The following RELB variants were observed in gnomAD, a reference collection of about 807,000 sequenced individuals.
The protein encoded by RELB is transcription factor RelB.
A neutral mutation model predicts 55.4 loss-of-function variants in RELB; 14 were observed. That is an observed-to-expected ratio of 0.25 (90% CI 0.17 to 0.40). RELB has a LOEUF of 0.40. Ranked by LOEUF, RELB falls within the 10% of genes least tolerant of loss-of-function variation. The probability of loss-of-function intolerance (pLI) is 1.00; values close to 1 mark genes in which losing one functional copy is unlikely to be tolerated. For synonymous variants in RELB, 409 were observed against 371.3 expected, an observed-to-expected ratio of 1.10 and a Z score of -1.17; for missense variants, 669 against 830.7, an observed-to-expected ratio of 0.81 and a Z score of 2.39.
rs1189368473 is a variant in RELB, at chr19:45,028,973, C to G, written c.972C>G (p.Leu324=). The G allele has an allele frequency of 3.8e-6, 6 of 1,588,046 alleles. No individual in the cohort carries two copies. The highest frequency in any genetic ancestry group is 5.1e-6 in the Non-Finnish European group (6 of 1,167,862). ...PCTGGEELYL[L]CDKVQKEDIS... ...CCGGTGGCGAGGAGCTCTACTTGCT[C>G]TGCGACAAGGTGCAGAAAGGTGAGG... Residue 324 remains leucine, a synonymous_variant, in exon 8 of 12, where the codon CTC becomes CTG. Transcript: ENST00000221452.
chr19:45,005,019 A>C (rs1255843167), intron 2 of RELB, among the ~76,000 whole-genome samples: 1 of 151,566 alleles, frequency 6.6e-6, no homozygotes, highest in East Asian at 1.9e-4. Flanking sequence ...AATACAAAAA[A>C]AATTAGCCAG....
At chr19:45,017,347 G>A (rs1467547767) in intron 4 of RELB, among the ~76,000 whole-genome samples, 2 of 151,518 alleles carry the variant, frequency 1.3e-5, no homozygotes, top group Admixed American at 6.6e-5. Context: ...GAAAAATCTG[G>A]GGAGGCCGAG....
At chr19:45,027,128 G>A (rs1971567673) in intron 7 of RELB, among the ~76,000 whole-genome samples, 2 of 151,672 alleles carry the variant, frequency 1.3e-5, no homozygotes, top group Admixed American at 6.6e-5. Flanking sequence ...AGCTACTCAG[G>A]AGGCTGAGGC....
rs767575028 is a variant in RELB at position 45,034,280 on chromosome 19, T to A, written c.1244T>A (p.Met415Lys). 1.9e-6 allele frequency: 3 copies of A among 1,613,896 alleles called. No homozygotes were observed. Among genetic ancestry groups the A allele is most frequent in the Non-Finnish European group, 2.5e-6 (3 of 1,179,898 alleles). ...GTGGACAAGAAGCGGAAACGGGGGA[T>A]GCCCGACGTCCTTGGGGAGCTGAAC... ...YGVDKKRKRG[M>K]PDVLGELNSS... The change falls in exon 10 of 12, where the codon ATG (methionine) becomes AAG (lysine). Residue 415 changes from methionine to lysine, a missense_variant. Met to Lys is a moderately conservative substitution (Grantham distance 95). Coordinates refer to ENST00000221452, the MANE Select transcript of RELB (RefSeq NM_006509.4).
chr19:45,011,917 G>A lies in RELB; in HGVS notation c.164-19G>A, dbSNP rs551688712. Reference sequence around the variant, plus strand: ...TTTTAAAGAATGGGCGTCACCACCCGTTTTTTCTTCTCCCGCAGAGATCAT... The same window carrying A: ...TTTTAAAGAATGGGCGTCACCACCCATTTTTTCTTCTCCCGCAGAGATCAT... On this transcript the variant is annotated intron_variant, in intron 3 of 11. Transcript: ENST00000221452. 221 of 1,432,294 alleles carry A rather than the reference G, an allele frequency of 1.5e-4. No individual in the cohort carries two copies. The highest frequency in any genetic ancestry group is 7.7e-4 in the Admixed American group (27 of 34,890). 88.7% of individuals were successfully genotyped at this position (1,432,294 alleles called of 1,614,324 possible).
intron 2 of RELB, among the ~76,000 whole-genome samples, chr19:45,007,953 G>A (rs1490770677): frequency 7.1e-6 from 1 of 140,808 alleles, no homozygotes; most frequent in Non-Finnish European, 1.5e-5. Flanking sequence ...TCAGGAGATC[G>A]AGACTAGCCT....
At chr19:45,036,283 G>A (rs1397499913) in intron 11 of RELB, among the ~76,000 whole-genome samples, 1 of 152,116 alleles carries the variant, frequency 6.6e-6, no homozygotes, top group Non-Finnish European at 1.5e-5. Context: ...ATGTTGGCCG[G>A]GCTGGTCTTG....
chr19:45,012,292 G>A lies in RELB; in HGVS notation c.504+16G>A, dbSNP rs1971371621. 2 of 1,377,030 alleles carry A rather than the reference G, an allele frequency of 1.5e-6. No homozygotes were observed. The highest frequency in any genetic ancestry group is 1.9e-6 in the Non-Finnish European group (2 of 1,071,510). 85.3% of individuals were successfully genotyped at this position (1,377,030 alleles called of 1,614,324 possible). ...CGCCATCGAGGTGGGCCCGGCGAGC[G>A]GCCCCGGGCGGGTGGGACTGGGGCT... On this transcript the variant is annotated intron_variant, in intron 4 of 11. Transcript: ENST00000221452.
chr19:45,014,168 CT>C (rs113601074), intron 4 of RELB, among the ~76,000 whole-genome samples: 1,288 of 126,728 alleles, frequency 0.01, 6 homozygotes, highest in African/African-American at 0.03. Context: ...ATTTCTAAGG[CT>C]TTTTTTTTTT....
chr19:45,018,038 A>G (rs1036224598), intron 4 of RELB, among the ~76,000 whole-genome samples: 7 of 149,896 alleles, frequency 4.7e-5, no homozygotes, highest in Non-Finnish European at 8.9e-5. Flanking sequence ...AGGCCGAGGC[A>G]GGTGGATCAC....
At chr19:45,003,344 G>A (rs572240231) in intron 2 of RELB, among the ~76,000 whole-genome samples, 11 of 151,898 alleles carry the variant, frequency 7.2e-5, no homozygotes, top group Admixed American at 7.2e-4. Context: ...GCGTGGTGGC[G>A]GGCTCCTGTA....
At chr19:45,003,199 C>T (rs1971236116) in intron 2 of RELB, among the ~76,000 whole-genome samples, 1 of 152,044 alleles carries the variant, frequency 6.6e-6, no homozygotes, top group African/African-American at 2.4e-5. Flanking sequence ...TGGCCGGGCG[C>T]GGTGGCTCAC....
Position 45,012,060 on chromosome 19 carries a change from C to T in RELB, c.288C>T (p.Gly96=). ...CGTCCCTGAGCACGGTCACCCTGGG[C>T]CCTGTGGCGCCCCCAGCCACGCCGC... ...GAASLSTVTL[G]PVAPPATPPP... Residue 96 remains glycine (G), a synonymous_variant, in exon 4 of 12, where the codon GGC becomes GGT. Coordinates refer to ENST00000221452, the MANE Select transcript of RELB (RefSeq NM_006509.4). The T allele has an allele frequency of 6.4e-7, 1 of 1,556,478 alleles. No individual in the cohort carries two copies. The highest frequency in any genetic ancestry group is 8.7e-7 in the Non-Finnish European group (1 of 1,155,444).
intron 2 of RELB, among the ~76,000 whole-genome samples, chr19:45,006,128 T>A (rs1301807436): frequency 6.6e-6 from 1 of 152,182 alleles, no homozygotes. Flanking sequence ...ATAAGGGCTA[T>A]GAAGAAACCT....
chr19:45,022,218 C>T lies in RELB; in HGVS notation c.662+8C>T, dbSNP rs780887464. 8.2e-6 allele frequency: 13 copies of T among 1,585,484 alleles called. No homozygotes were observed. In the African/African-American group the frequency reaches 1.1e-4, roughly 13 times the overall value. On this transcript the variant is annotated splice_region_variant and intron_variant, in intron 5 of 11. Coordinates refer to ENST00000221452, the MANE Select transcript of RELB (RefSeq NM_006509.4). ...CGTCAGCCCCCGGCACAGGTACCCACCCCCTGACCTCCGACCTCTCATCCT... is the reference window on the plus strand; with the variant it reads ...CGTCAGCCCCCGGCACAGGTACCCATCCCCTGACCTCCGACCTCTCATCCT...
At chr19:45,010,042 G>A (rs1971330657) in intron 3 of RELB, among the ~76,000 whole-genome samples, 1 of 152,102 alleles carries the variant, frequency 6.6e-6, no homozygotes, top group Non-Finnish European at 1.5e-5. Flanking sequence ...ACTCACACCT[G>A]TAATCCTGGC....
In RELB at chr19:45,012,141, G is replaced by A; in HGVS notation, c.369G>A (p.Pro123=). 1 of 1,558,420 alleles carries A rather than the reference G, an allele frequency of 6.4e-7. No individual in the cohort carries two copies. The highest frequency in any genetic ancestry group is 8.6e-7 in the Non-Finnish European group (1 of 1,161,488). ...TGTCCCCAGCGCCGGGCCCGGGCCC[G>A]CAGCCGCACCTGGTCATCACGGAGC... ...RLVSPAPGPG[P]QPHLVITEQP... Residue 123 remains proline, a synonymous_variant, in exon 4 of 12, where the codon CCG becomes CCA. Coordinates refer to ENST00000221452, the MANE Select transcript of RELB (RefSeq NM_006509.4).
chr19:45,001,722 C>A, intron 1 of RELB, 37 bp downstream of exon 1: 1 of 1,329,304 alleles, frequency 7.5e-7, no homozygotes, highest in Non-Finnish European at 1.0e-6. Context: ...GGGTCTGGGG[C>A]GGGGCTGGAG....
At position 45,005,031 on chromosome 19, in the gene RELB, C is replaced by T. The variant is rs149574544; in HGVS notation, c.154+2035C>T. Among the ~76,000 whole-genome samples, 529 of 151,888 alleles carry T rather than the reference C, an allele frequency of 3.5e-3. 3 individuals are homozygous for T. Among genetic ancestry groups the T allele is most frequent in the African/African-American group, 0.012 (498 of 41,428 alleles). ...AAAAATACAAAAAAAATTAGCCAGGCGTGGTGGCAGGCACCTGTAATCCCA... is the reference window on the plus strand; with the variant it reads ...AAAAATACAAAAAAAATTAGCCAGGTGTGGTGGCAGGCACCTGTAATCCCA... On this transcript the variant is annotated intron_variant, in intron 2 of 11. Transcript: ENST00000221452.
Sources: gnomAD v4.1 joint callset for allele counts (sites outside exome capture counted in the v4.1 genomes callset) on GRCh38, gnomAD v4.1.1 for gene constraint, MANE v1.5 for transcripts, NCBI Gene and HGNC (gene_info 2026-07-23, HGNC 2026-07-21) for gene names.